OSBPL3: variants seen among roughly 807,000 people sequenced by gnomAD.
OSBPL3 encodes the protein oxysterol binding protein like 3.
OSBPL3 carries 65 observed loss-of-function variants against 120.1 expected under a neutral mutation model. The ratio of observed to expected loss-of-function variants is 0.54; its 90% CI spans 0.44 to 0.67. The LOEUF is 0.67. Ranked by LOEUF, OSBPL3 falls within the 30% of genes least tolerant of loss-of-function variation. The probability of loss-of-function intolerance (pLI) is 0.00; values close to 1 mark genes in which losing one functional copy is unlikely to be tolerated. For missense variants in OSBPL3, 1,004 were observed against 1,082.1 expected (o/e 0.93, Z 1.01); for synonymous variants, 416 against 402.6 (o/e 1.03, Z -0.40).
Position 24,831,030 on chromosome 7 carries a change from G to C in OSBPL3, c.1747-125C>G, listed in dbSNP as rs532237027. ...GAAAGCCAAAGATTTGTCTTTGGTT[G>C]TTTTTAAACAACATAGGTTTAAAAT... On this transcript the variant is annotated intron_variant, in intron 15 of 22. Coordinates refer to ENST00000313367, the MANE Select transcript of OSBPL3 (RefSeq NM_015550.4). The surrounding 1 kb of genome is among the most constrained non-coding windows in gnomAD (Gnocchi z 4.0). The C allele has an allele frequency of 2.1e-6, 2 of 950,594 alleles. No homozygotes were observed. The highest frequency in any genetic ancestry group is 5.6e-5 in the East Asian group (2 of 35,522). 58.9% of individuals were successfully genotyped at this position (950,594 alleles called of 1,614,324 possible).
intron 10 of OSBPL3, among the ~76,000 whole-genome samples, chr7:24,856,746 G>C (rs79168886): frequency 0.011 from 1,667 of 152,256 alleles, 29 homozygotes; most frequent in African/African-American, 0.038. Flanking sequence ...CAAACAGTGA[G>C]ACTCATTTTT....
chr7:24,892,631 A>G lies in OSBPL3; in HGVS notation c.-149-10T>C, dbSNP rs1339807004. ...AAGGAAACCCTAAAACCTAAAAAAG[A>G]GAAATTAGAAAGAAGGTCAGAGGCA... On this transcript the variant is annotated splice_polypyrimidine_tract_variant and intron_variant, in intron 1 of 22. Transcript: ENST00000313367. The G allele has an allele frequency of 6.7e-6, 9 of 1,351,072 alleles. No homozygotes were observed. Among genetic ancestry groups the G allele is most frequent in the South Asian group, 2.0e-5 (1 of 49,384 alleles). 83.7% of individuals were successfully genotyped at this position (1,351,072 alleles called of 1,614,324 possible).
chr7:24,897,419 G>C (rs917972987), intron 1 of OSBPL3, among the ~76,000 whole-genome samples: 1 of 142,868 alleles, frequency 7.0e-6, no homozygotes, highest in Non-Finnish European at 1.5e-5. Flanking sequence ...TCCGCCTCCC[G>C]GGTTCACGCC....
At chr7:24,975,514 CA>C (rs1224531897) in intron 1 of OSBPL3, among the ~76,000 whole-genome samples, 1 of 152,074 alleles carries the variant, frequency 6.6e-6, no homozygotes. Context: ...AAAATTTAAG[CA>C]AATATAATTA....
intron 1 of OSBPL3, among the ~76,000 whole-genome samples, chr7:24,978,749 C>T (rs1213706511): frequency 1.3e-5 from 2 of 152,228 alleles, no homozygotes; most frequent in Non-Finnish European, 2.9e-5. Flanking sequence ...TCCCAATACT[C>T]AAACTCTGAG....
Position 24,835,307 on chromosome 7 carries a change from A to C in OSBPL3, c.1496-571T>G, listed in dbSNP as rs564353429. ...ATATTATTTAAAATTTTTCTAAAAC[A>C]TCAGTTTTTGCTCAATATCACTAAT... is the stretch of plus-strand genomic sequence containing the variant. On this transcript the variant is annotated intron_variant, in intron 14 of 22. Transcript: ENST00000313367. The surrounding 1 kb of genome is among the most constrained non-coding windows in gnomAD (Gnocchi z 4.8). Among the ~76,000 whole-genome samples, 3 of 152,274 alleles carry C rather than the reference A, an allele frequency of 2.0e-5. No homozygotes were observed. The South Asian group carries it at 6.2e-4, about 32-fold the overall frequency.
In OSBPL3 at chr7:24,819,080, C is replaced by T. The variant is rs111539627; in HGVS notation, c.1948+1095G>A. 4.1e-3 allele frequency among the ~76,000 whole-genome samples: 625 copies of T among 152,020 alleles called. 7 individuals are homozygous for T. The highest frequency in any genetic ancestry group is 0.014 in the African/African-American group (572 of 41,448). ...CCATCCTGGCCAACATGGTGAAACC[C>T]CATCTCTACTAAAAATACAAAAATT... is the stretch of plus-strand genomic sequence containing the variant. On this transcript the variant is annotated intron_variant, in intron 17 of 22. Transcript: ENST00000313367. The surrounding 1 kb of genome is among the most constrained non-coding windows in gnomAD (Gnocchi z 4.1).
intron 1 of OSBPL3, among the ~76,000 whole-genome samples, chr7:24,976,219 T>C (rs750815897): frequency 2.0e-5 from 3 of 152,210 alleles, no homozygotes; most frequent in Non-Finnish European, 4.4e-5. Context: ...CAATAATGCA[T>C]GTACAGGAAC....
rs772622951 is a variant in OSBPL3 at position 24,804,314 on chromosome 7, C to G, written c.2567+1G>C. 6.2e-7 allele frequency: 1 copy of G among 1,614,172 alleles called. No individual in the cohort carries two copies. The highest frequency in any genetic ancestry group is 1.3e-5 in the African/African-American group (1 of 75,046). ...AAAACCTACTCAATCCAGGCACGAACCTGAAAAACCGAGGCTGGTGCTCCA... is the reference window on the plus strand; with the variant it reads ...AAAACCTACTCAATCCAGGCACGAAGCTGAAAAACCGAGGCTGGTGCTCCA... On this transcript the variant is annotated splice_donor_variant, in intron 22 of 22. Coordinates refer to ENST00000313367, the MANE Select transcript of OSBPL3 (RefSeq NM_015550.4). LOFTEE classifies it high-confidence loss of function. The surrounding 1 kb of genome is among the most constrained non-coding windows in gnomAD (Gnocchi z 5.4).
At position 24,900,015 on chromosome 7, in the gene OSBPL3, C is replaced by T. The variant is rs1320514025; in HGVS notation, c.-149-7394G>A. On this transcript the variant is annotated intron_variant, in intron 1 of 22. Transcript: ENST00000313367. This position sits in a 1 kb window ranked among gnomAD's most constrained non-coding sequence, Gnocchi z 4.5. ...AATCCTTCTATTTGTGTATGTGTGA[C>T]GTGGCAGAGGGTAGGAAGCTAAAAC... 2.0e-5 allele frequency among the ~76,000 whole-genome samples: 3 copies of T among 152,152 alleles called. No individual in the cohort carries two copies. Among genetic ancestry groups the T allele is most frequent in the Non-Finnish European group, 4.4e-5 (3 of 68,026 alleles).
rs937748981 is a variant in OSBPL3 at position 24,881,085 on chromosome 7, T to G, written c.97-9016A>C. On this transcript the variant is annotated intron_variant, in intron 2 of 22. Coordinates refer to ENST00000313367, the MANE Select transcript of OSBPL3 (RefSeq NM_015550.4). This position sits in a 1 kb window ranked among gnomAD's most constrained non-coding sequence, Gnocchi z 4.3. ...GGACAGCACCAGCTGAGAACAGTGC[T>G]CTCTCTTACAGAGTGCTCAAAACTA... is the stretch of plus-strand genomic sequence containing the variant. Among the ~76,000 whole-genome samples the G allele has an allele frequency of 1.3e-5, 2 of 152,206 alleles. No individual in the cohort carries two copies. The highest frequency in any genetic ancestry group is 4.8e-5 in the African/African-American group (2 of 41,452).
chr7:24,828,255 A>C (rs1265053352), intron 16 of OSBPL3, among the ~76,000 whole-genome samples: 1 of 152,098 alleles, frequency 6.6e-6, no homozygotes, highest in African/African-American at 2.4e-5. Context: ...CGAACTCCTG[A>C]CCTCAAGTGA....
At chr7:24,828,070 G>A (rs755906066) in intron 16 of OSBPL3, among the ~76,000 whole-genome samples, 2 of 151,826 alleles carry the variant, frequency 1.3e-5, no homozygotes, top group Non-Finnish European at 2.9e-5. Flanking sequence ...TGTTGCCCAG[G>A]CTGGAGTGCA....
At position 24,824,796 on chromosome 7, in the gene OSBPL3, G is replaced by A. The variant is rs1795504633; in HGVS notation, c.1885-4558C>T. On this transcript the variant is annotated intron_variant, in intron 16 of 22. Coordinates refer to ENST00000313367, the MANE Select transcript of OSBPL3 (RefSeq NM_015550.4). This position sits in a 1 kb window ranked among gnomAD's most constrained non-coding sequence, Gnocchi z 4.9. ...CAGGGCATGAGGATGTGGGGACAGT[G>A]AGTAGGAGTGCTGGTCAGACAGGGT... is the stretch of plus-strand genomic sequence containing the variant. Among the ~76,000 whole-genome samples the A allele has an allele frequency of 6.6e-6, 1 of 152,230 alleles. No individual in the cohort carries two copies. Among genetic ancestry groups the A allele is most frequent in the African/African-American group, 2.4e-5 (1 of 41,456 alleles).
intron 10 of OSBPL3, among the ~76,000 whole-genome samples, chr7:24,853,356 G>A (rs1287942685): frequency 6.6e-6 from 1 of 152,226 alleles, no homozygotes; most frequent in Non-Finnish European, 1.5e-5. Flanking sequence ...GCCAGCCAGG[G>A]CTATGTAATC....
In OSBPL3 at chr7:24,865,930, C is replaced by A. The variant is rs1801249357; in HGVS notation, c.549+140G>T. 4 of 655,222 alleles carry A rather than the reference C, an allele frequency of 6.1e-6. No homozygotes were observed. In the East Asian group the frequency reaches 1.1e-4, roughly 17 times the overall value. 40.6% of individuals were successfully genotyped at this position (655,222 alleles called of 1,614,324 possible). A position where few individuals can be genotyped will look rare whatever the true frequency, so the allele number is the denominator to read the frequency against. ...TCTTGGTTCTGACTCAGTGGGCAAACAGACTAATTAAATACCAGCCCAAGC... is the reference window on the plus strand; with the variant it reads ...TCTTGGTTCTGACTCAGTGGGCAAAAAGACTAATTAAATACCAGCCCAAGC... On this transcript the variant is annotated intron_variant, in intron 6 of 22. Coordinates refer to ENST00000313367, the MANE Select transcript of OSBPL3 (RefSeq NM_015550.4).
chr7:24,935,656 A>C (rs1812320131), intron 1 of OSBPL3, among the ~76,000 whole-genome samples: 1 of 152,166 alleles, frequency 6.6e-6, no homozygotes, highest in South Asian at 2.1e-4. Context: ...ATGGCACATT[A>C]GGTTTTTTTA....
rs1242950900 is a variant in OSBPL3 at position 24,818,540 on chromosome 7, C to T, written c.1948+1635G>A. Among the ~76,000 whole-genome samples the T allele has an allele frequency of 6.6e-6, 1 of 151,954 alleles. No individual in the cohort carries two copies. Among genetic ancestry groups the T allele is most frequent in the East Asian group, 1.9e-4 (1 of 5,190 alleles). ...GATATTAAAAATATATAACATAAAT[C>T]CTAAAGTAACAACTTTAACAAGAAA... On this transcript the variant is annotated intron_variant, in intron 17 of 22. Coordinates refer to ENST00000313367, the MANE Select transcript of OSBPL3 (RefSeq NM_015550.4). This position sits in a 1 kb window ranked among gnomAD's most constrained non-coding sequence, Gnocchi z 4.0.
Position 24,815,669 on chromosome 7 carries a change from T to C in OSBPL3, c.2028-466A>G, listed in dbSNP as rs1794382698. Among the ~76,000 whole-genome samples the C allele has an allele frequency of 6.6e-6, 1 of 152,228 alleles. No individual in the cohort carries two copies. The highest frequency in any genetic ancestry group is 1.5e-5 in the Non-Finnish European group (1 of 68,048). On this transcript the variant is annotated intron_variant, in intron 18 of 22. Transcript: ENST00000313367. This position sits in a 1 kb window ranked among gnomAD's most constrained non-coding sequence, Gnocchi z 5.1. ...TGGAATTCAATAATTACGAGGAAAATGGTATTAATAATAAGACCAGATACT... is the reference window on the plus strand; with the variant it reads ...TGGAATTCAATAATTACGAGGAAAACGGTATTAATAATAAGACCAGATACT...
Sources: gnomAD v4.1 joint callset for allele counts (sites outside exome capture counted in the v4.1 genomes callset) on GRCh38, gnomAD v4.1.1 for gene constraint, Gnocchi (gnomAD v3.1) non-coding constraint, MANE v1.5 for transcripts, NCBI Gene and HGNC (gene_info 2026-07-23, HGNC 2026-07-21) for gene names.